Variants in GPC5 observed in about 807,000 individuals in gnomAD.
GPC5 encodes the protein glypican-5.
Under a neutral mutation model 53.9 loss-of-function variants are expected in GPC5, and 47 were observed. That is an observed-to-expected ratio of 0.87 (90% CI 0.69 to 1.11). The LOEUF is 1.11. Ranked by LOEUF, GPC5 falls within the 50% of genes most tolerant of loss-of-function variation. The pLI, the probability that GPC5 is intolerant of heterozygous loss-of-function variation, is 0.00. For missense variants in GPC5, 748 were observed against 713.1 expected (o/e 1.05, Z -0.56); for synonymous variants, 286 against 263.3 (o/e 1.09, Z -0.84).
intron 2 of GPC5, among the ~76,000 whole-genome samples, chr13:91,641,563 C>T (rs2034431701): frequency 6.6e-6 from 1 of 152,206 alleles, no homozygotes; most frequent in Admixed American, 6.5e-5. Flanking sequence ...CACCATGGCA[C>T]ACATTTACCT....
chr13:91,999,298 G>T (rs1373422676), intron 6 of GPC5, among the ~76,000 whole-genome samples: 1 of 151,866 alleles, frequency 6.6e-6, no homozygotes, highest in Non-Finnish European at 1.5e-5. Context: ...ATTTCACATG[G>T]CCTCTAAACA....
intron 7 of GPC5, among the ~76,000 whole-genome samples, chr13:92,621,590 G>A (rs1219577257): frequency 6.6e-6 from 1 of 152,098 alleles, no homozygotes; most frequent in Non-Finnish European, 1.5e-5. Context: ...GGAGGACAAA[G>A]TGGGGGATCA....
intron 5 of GPC5, among the ~76,000 whole-genome samples, chr13:91,795,136 T>TA: frequency 6.6e-6 from 1 of 152,046 alleles, no homozygotes; most frequent in East Asian, 1.9e-4. Context: ...ATGGATATTT[T>TA]TATATATATA....
At chr13:92,038,985 T>C (rs1230090372) in intron 6 of GPC5, among the ~76,000 whole-genome samples, 1 of 152,200 alleles carries the variant, frequency 6.6e-6, no homozygotes, top group African/African-American at 2.4e-5. Flanking sequence ...GAAAGAATGA[T>C]TAGCTATGTG....
At chr13:91,416,418 C>T (rs1248601577) in intron 1 of GPC5, among the ~76,000 whole-genome samples, 1 of 151,548 alleles carries the variant, frequency 6.6e-6, no homozygotes, top group South Asian at 2.1e-4. Flanking sequence ...CATTTTAAAT[C>T]TCTGAGAAGT....
intron 7 of GPC5, among the ~76,000 whole-genome samples, chr13:92,358,180 C>T (rs1272442215): frequency 4.6e-5 from 7 of 151,750 alleles, no homozygotes; most frequent in Non-Finnish European, 1.0e-4. Flanking sequence ...CTACAGGCTC[C>T]ATGCAAGTCC....
chr13:92,199,821 T>G (rs2042281715), intron 7 of GPC5, among the ~76,000 whole-genome samples: 1 of 152,128 alleles, frequency 6.6e-6, no homozygotes, highest in Non-Finnish European at 1.5e-5. Context: ...TAAACACAAT[T>G]TTTTTTAAAA....
chr13:92,285,526 G>A (rs1040550202), intron 7 of GPC5, among the ~76,000 whole-genome samples: 3 of 151,392 alleles, frequency 2.0e-5, no homozygotes, highest in African/African-American at 7.4e-5. Flanking sequence ...CAGCATGGTA[G>A]TGGTACCACA....
At chr13:92,776,211 C>G (rs769615222) in intron 7 of GPC5, among the ~76,000 whole-genome samples, 1 of 152,130 alleles carries the variant, frequency 6.6e-6, no homozygotes, top group African/African-American at 2.4e-5. Flanking sequence ...TGGCTCCCTC[C>G]TCTATCTTCA....
At chr13:91,448,461 A>C (rs960794965) in intron 1 of GPC5, among the ~76,000 whole-genome samples, 7 of 152,112 alleles carry the variant, frequency 4.6e-5, no homozygotes, top group African/African-American at 1.7e-4. Flanking sequence ...CCCACAAAAA[A>C]CCTTTTTCTT....
chr13:91,626,923 G>A (rs1358040615), intron 2 of GPC5, among the ~76,000 whole-genome samples: 4 of 150,238 alleles, frequency 2.7e-5, no homozygotes, highest in Admixed American at 6.7e-5. Flanking sequence ...TGCGGTGTTT[G>A]GTTTTTTGTC....
Position 91,456,774 on chromosome 13 carries a change from G to A in GPC5, c.325+7852G>A, listed in dbSNP as rs189958595. Reference sequence around the variant, plus strand: ...GCATGCTGTAAAAAGTAAAATTCACGTGGGTGTTTTGTTTTGTTTTCTAGT... The same window carrying A: ...GCATGCTGTAAAAAGTAAAATTCACATGGGTGTTTTGTTTTGTTTTCTAGT... On this transcript the variant is annotated intron_variant, in intron 2 of 7. Transcript: ENST00000377067. Among the ~76,000 whole-genome samples, 91 of 150,702 alleles carry A rather than the reference G, an allele frequency of 6.0e-4. 1 individual carries two copies. In the East Asian group the frequency reaches 0.013, roughly 22 times the overall value.
intron 7 of GPC5, among the ~76,000 whole-genome samples, chr13:92,410,614 G>A (rs1875999553): frequency 6.6e-6 from 1 of 152,154 alleles, no homozygotes; most frequent in African/African-American, 2.4e-5. Flanking sequence ...TGTGATAACA[G>A]AAACACAAAA....
intron 7 of GPC5, among the ~76,000 whole-genome samples, chr13:92,287,444 G>A (rs1249494217): frequency 6.6e-6 from 1 of 152,090 alleles, no homozygotes; most frequent in African/African-American, 2.4e-5. Context: ...AGTAAAAGTA[G>A]GGTTTGAAGT....
At chr13:91,492,684 C>A (rs934878048) in intron 2 of GPC5, among the ~76,000 whole-genome samples, 1 of 152,194 alleles carries the variant, frequency 6.6e-6, no homozygotes, top group Middle Eastern at 3.4e-3. Flanking sequence ...AGAGACATAC[C>A]CAGAGATAAT....
chr13:92,312,794 C>T (rs2043153733), intron 7 of GPC5, among the ~76,000 whole-genome samples: 1 of 152,096 alleles, frequency 6.6e-6, no homozygotes. Flanking sequence ...ACTTCAATCT[C>T]TTGAATTACA....
At chr13:92,452,823 C>T (rs540127105) in intron 7 of GPC5, among the ~76,000 whole-genome samples, 53 of 152,284 alleles carry the variant, frequency 3.5e-4, no homozygotes, top group African/African-American at 1.2e-3. Flanking sequence ...CCTGCCTCGG[C>T]CTCCCAAAGT....
chr13:92,724,863 G>C lies in GPC5; in HGVS notation c.1562-141419G>C, dbSNP rs1192429299. ...TTTCTTAAAAGGGTAGATTTGTTAA[G>C]TGTCCTACACATACACACACACACA... On this transcript the variant is annotated intron_variant, in intron 7 of 7. Transcript: ENST00000377067. Among the ~76,000 whole-genome samples, 3 of 124,744 alleles carry C rather than the reference G, an allele frequency of 2.4e-5. No individual in the cohort carries two copies. In the Admixed American group the frequency reaches 2.6e-4, roughly 11 times the overall value. The allele number at this position is 124,744 out of a possible 152,430, so 81.8% of individuals were successfully genotyped here.
At chr13:92,844,436 A>G (rs185900050) in intron 7 of GPC5, among the ~76,000 whole-genome samples, 255 of 152,296 alleles carry the variant, frequency 1.7e-3, no homozygotes, top group Non-Finnish European at 3.2e-3. Context: ...GATAGATATA[A>G]AGGAAATCTG....
Sources: gnomAD v4.1 joint callset for allele counts (sites outside exome capture counted in the v4.1 genomes callset) on GRCh38, gnomAD v4.1.1 for gene constraint, MANE v1.5 for transcripts, NCBI Gene and HGNC (gene_info 2026-07-23, HGNC 2026-07-21) for gene names.